Variants in LINGO1 observed in about 807,000 individuals in gnomAD.
LINGO1 encodes leucine-rich repeat and immunoglobulin-like domain-containing nogo receptor-interacting protein 1.
Under a neutral mutation model 37.3 loss-of-function variants are expected in LINGO1, and 11 were observed. The ratio of observed to expected loss-of-function variants is 0.29; its 90% CI spans 0.19 to 0.49. The LOEUF (loss-of-function observed/expected upper bound fraction) is 0.49, where lower values mean the gene tolerates loss of function less well. Among genes scored for constraint, LINGO1 ranks in the 20% least tolerant of loss-of-function variants. The pLI is 0.99. For missense variants in LINGO1, 585 were observed against 878.2 expected, an observed-to-expected ratio of 0.67 and a Z score of 4.22; for synonymous variants, 387 against 403.0, an observed-to-expected ratio of 0.96 and a Z score of 0.48.
At chr15:77,818,528 T>C (rs2077067026) in intron 1 of LINGO1, among the ~76,000 whole-genome samples, 1 of 151,558 alleles carries the variant, frequency 6.6e-6, no homozygotes, top group African/African-American at 2.4e-5. Flanking sequence ...CCCCGGCCTC[T>C]TGGGAGCTCC....
At chr15:77,742,615 C>G (rs552437290) in intron 1 of LINGO1, among the ~76,000 whole-genome samples, 1 of 152,300 alleles carries the variant, frequency 6.6e-6, no homozygotes, top group Admixed American at 6.5e-5. Context: ...GATGTAGAAG[C>G]CACAAGAGAG....
chr15:77,613,662 A>C lies in LINGO1; in HGVS notation c.*382T>G. On this transcript the variant is annotated 3_prime_UTR_variant, in exon 2 of 2. Coordinates refer to ENST00000355300, the MANE Select transcript of LINGO1 (RefSeq NM_032808.7). ...TCAAAAGTTTGCATTCCGACTAGCTATAGGAAATAGTTTTTTTCTCTTTTT... is the reference window on the plus strand; with the variant it reads ...TCAAAAGTTTGCATTCCGACTAGCTCTAGGAAATAGTTTTTTTCTCTTTTT... 1 of 205,932 alleles carries C rather than the reference A, an allele frequency of 4.9e-6. No homozygotes were observed. The highest frequency in any genetic ancestry group is 1.0e-5 in the Non-Finnish European group (1 of 100,260). The allele number at this position is 205,932 out of a possible 1,614,324, so 12.8% of individuals were successfully genotyped here. A position where few individuals can be genotyped will look rare whatever the true frequency, so the allele number is the denominator to read the frequency against.
In LINGO1 at chr15:77,614,526, G is replaced by T; in HGVS notation, c.1381C>A (p.Pro461Thr). The change falls in exon 2 of 2, where the codon CCC (proline) becomes ACC (threonine). Residue 461 changes from proline to threonine, a missense_variant. By Grantham distance (38) the Pro-to-Thr change is conservative. Coordinates refer to ENST00000355300, the MANE Select transcript of LINGO1 (RefSeq NM_032808.7). ...DPPPAILWLS[P>T]RKHLVSAKSN... ...TTGGCTGAGACCAGGTGCTTTCGGG[G>T]TGAGAGCCAGAGGATGGCGGGCGGC... 1 of 1,611,010 alleles carries T rather than the reference G, an allele frequency of 6.2e-7. No homozygotes were observed. Among genetic ancestry groups the T allele is most frequent in the Non-Finnish European group, 8.5e-7 (1 of 1,179,626 alleles).
intron 1 of LINGO1, among the ~76,000 whole-genome samples, chr15:77,741,661 G>C (rs762630614): frequency 5.9e-5 from 9 of 152,228 alleles, no homozygotes; most frequent in Non-Finnish European, 8.8e-5. Context: ...GCTTGACCTT[G>C]TGGTTCCGCA....
At chr15:77,717,760 G>A (rs1174630983) in intron 2 of LINGO1, among the ~76,000 whole-genome samples, 5 of 150,682 alleles carry the variant, frequency 3.3e-5, no homozygotes, top group East Asian at 2.1e-4. Context: ...AGCAGACAGG[G>A]TGCAGCGGAG....
chr15:77,813,706 T>A (rs952674894), intron 1 of LINGO1, among the ~76,000 whole-genome samples: 3 of 152,206 alleles, frequency 2.0e-5, no homozygotes, highest in African/African-American at 7.2e-5. Context: ...TGAAATAGCA[T>A]GTTTTTATAA....
intron 1 of LINGO1, among the ~76,000 whole-genome samples, chr15:77,756,485 GACACAC>G (rs35031617): frequency 0.24 from 33,153 of 140,620 alleles, 3,899 homozygotes; most frequent in Admixed American, 0.36. Context: ...CAGACAGACA[GACACAC>G]ACACACACAC....
At chr15:77,636,664 C>T (rs548584431), upstream of LINGO1, among the ~76,000 whole-genome samples, 2 of 152,198 alleles carry the variant, frequency 1.3e-5, no homozygotes, top group South Asian at 2.1e-4. Context: ...CAAAGTTTCC[C>T]CAGCTATGCA....
At chr15:77,756,627 C>T (rs1427880270) in intron 1 of LINGO1, among the ~76,000 whole-genome samples, 2 of 152,174 alleles carry the variant, frequency 1.3e-5, no homozygotes, top group East Asian at 1.9e-4. Context: ...AGGAAGTGAA[C>T]GTGACCATTT....
intron 1 of LINGO1, among the ~76,000 whole-genome samples, chr15:77,811,197 C>A (rs1293006697): frequency 1.3e-5 from 2 of 152,206 alleles, no homozygotes; most frequent in African/African-American, 4.8e-5. Flanking sequence ...CTTCTGCCAA[C>A]AGAGGCTCCC....
intron 2 of LINGO1, among the ~76,000 whole-genome samples, chr15:77,704,275 T>G (rs1055732728): frequency 6.6e-6 from 1 of 151,908 alleles, no homozygotes; most frequent in East Asian, 1.9e-4. Flanking sequence ...TCAGAGGGAG[T>G]GTGGATGAGG....
At chr15:77,655,573 G>A (rs529088537) in intron 3 of LINGO1, among the ~76,000 whole-genome samples, 18 of 152,098 alleles carry the variant, frequency 1.2e-4, no homozygotes, top group Admixed American at 1.3e-4. Flanking sequence ...ACCAATAGCA[G>A]CTGCCATTTA....
chr15:77,815,441 C>G (rs2077039754), intron 1 of LINGO1, among the ~76,000 whole-genome samples: 1 of 152,186 alleles, frequency 6.6e-6, no homozygotes, highest in Non-Finnish European at 1.5e-5. Context: ...TGCCAAACAG[C>G]CCTCTACCCC....
chr15:77,757,893 T>C (rs1184176167), intron 1 of LINGO1, among the ~76,000 whole-genome samples: 1 of 152,198 alleles, frequency 6.6e-6, no homozygotes, highest in East Asian at 1.9e-4. Flanking sequence ...CCAGACCTGC[T>C]CGTTAATCAC....
chr15:77,780,578 G>A (rs1015100988), intron 1 of LINGO1, among the ~76,000 whole-genome samples: 1 of 152,086 alleles, frequency 6.6e-6, no homozygotes, highest in Non-Finnish European at 1.5e-5. Context: ...TATCGTCAGA[G>A]GACAGGAGTG....
intron 1 of LINGO1, among the ~76,000 whole-genome samples, chr15:77,631,144 C>T (rs982998786): frequency 2.0e-5 from 3 of 152,218 alleles, no homozygotes; most frequent in Non-Finnish European, 2.9e-5. Context: ...TGGGAGGCAC[C>T]AGTGCTGAAG....
At chr15:77,679,728 A>G (rs1460045946) in intron 2 of LINGO1, among the ~76,000 whole-genome samples, 1 of 152,212 alleles carries the variant, frequency 6.6e-6, no homozygotes, top group Admixed American at 6.5e-5. Flanking sequence ...ACACCCATGG[A>G]GGATCCATTG....
chr15:77,699,372 C>CCCT (rs2075739324), upstream of LINGO1, among the ~76,000 whole-genome samples: 1 of 4,310 alleles, frequency 2.3e-4, no homozygotes, highest in African/African-American at 9.1e-4. Flanking sequence ...TAACCATCAT[C>CCCT]AGCACACAAT....
chr15:77,807,667 CAG>C (rs1021570987), intron 1 of LINGO1, among the ~76,000 whole-genome samples: 5 of 152,090 alleles, frequency 3.3e-5, no homozygotes, highest in African/African-American at 4.8e-5. Context: ...AGAGTCAAAA[CAG>C]GGGGAAAGAA....
Sources: allele counts gnomAD v4.1 joint callset (sites outside exome capture counted in the v4.1 genomes callset), GRCh38; gene constraint gnomAD v4.1.1; transcripts MANE v1.5; gene names NCBI Gene and HGNC (gene_info 2026-07-23, HGNC 2026-07-21).